Variants in RPS6KA2 observed in about 807,000 individuals in gnomAD.
The protein encoded by RPS6KA2 is ribosomal protein S6 kinase A2.
A neutral mutation model predicts 91.8 loss-of-function variants in RPS6KA2; 42 were observed. That is an observed-to-expected ratio of 0.46 (90% confidence interval 0.36 to 0.59). RPS6KA2 has a LOEUF of 0.59. Ranked by LOEUF, RPS6KA2 falls within the 20% of genes least tolerant of loss-of-function variation. RPS6KA2 has a pLI of 0.00. For synonymous variants in RPS6KA2, 414 were observed against 393.6 expected (o/e 1.05, Z -0.61); for missense variants, 798 against 978.5 (o/e 0.82, Z 2.46).
rs148374663 is a variant in RPS6KA2 at position 166,508,924 on chromosome 6, G to A, written c.380-642C>T. Among the ~76,000 whole-genome samples, 85 of 152,306 alleles carry A rather than the reference G, an allele frequency of 5.6e-4. No homozygotes were observed. The highest frequency in any genetic ancestry group is 1.3e-3 in the African/African-American group (54 of 41,574). ...CAGCAAGGGCCTGCCTCTGTTGAGC[G>A]GGCGCATGAGCACGGGAGGGTCTAG... On this transcript the variant is annotated intron_variant, in intron 4 of 20. Transcript: ENST00000265678. This position sits in a 1 kb window ranked among gnomAD's most constrained non-coding sequence, Gnocchi z 4.3.
At chr6:166,687,096 G>A (rs578053281) in intron 2 of RPS6KA2, among the ~76,000 whole-genome samples, 29 of 152,310 alleles carry the variant, frequency 1.9e-4, no homozygotes, top group Middle Eastern at 3.4e-3. Flanking sequence ...TGCCTGGGCC[G>A]TGGAGATCCA....
At chr6:166,506,410 A>C (rs1310597506) in intron 5 of RPS6KA2, among the ~76,000 whole-genome samples, 1 of 152,164 alleles carries the variant, frequency 6.6e-6, no homozygotes, top group East Asian at 1.9e-4. Flanking sequence ...CCCCAAATGG[A>C]CTGACTCCCT....
intron 15 of RPS6KA2, among the ~76,000 whole-genome samples, chr6:166,431,623 T>C (rs1417763502): frequency 6.6e-6 from 1 of 152,204 alleles, no homozygotes; most frequent in Non-Finnish European, 1.5e-5. Context: ...TCTTTTTATG[T>C]TTCGATTTTT....
intron 16 of RPS6KA2, among the ~76,000 whole-genome samples, chr6:166,424,161 C>T (rs763612034): frequency 6.6e-6 from 1 of 152,200 alleles, no homozygotes; most frequent in Non-Finnish European, 1.5e-5. Flanking sequence ...ATTAAAGGGA[C>T]ACACTCCAGC....
intron 10 of RPS6KA2, among the ~76,000 whole-genome samples, chr6:166,480,476 AT>A (rs368670644): frequency 2.0e-4 from 8 of 39,514 alleles, no homozygotes; most frequent in South Asian, 1.0e-3. Flanking sequence ...TAAGATTGTG[AT>A]TTTATATATA....
rs569031624 is a variant in RPS6KA2, at chr6:166,554,470, G to A, written c.100-15686C>T. 2.0e-5 allele frequency among the ~76,000 whole-genome samples: 3 copies of A among 152,356 alleles called. No homozygotes were observed. Among genetic ancestry groups the A allele is most frequent in the African/African-American group, 7.2e-5 (3 of 41,588 alleles). On this transcript the variant is annotated intron_variant, in intron 1 of 20. Transcript: ENST00000265678. This position sits in a 1 kb window ranked among gnomAD's most constrained non-coding sequence, Gnocchi z 4.3. ...GCTGCTGGCTGAATAAAAATCCCAC[G>A]GGAATTTCTGTTCCCTTTCTATTCC...
chr6:166,740,771 A>G (rs1790789524), intron 2 of RPS6KA2, among the ~76,000 whole-genome samples: 1 of 152,268 alleles, frequency 6.6e-6, no homozygotes, highest in Non-Finnish European at 1.5e-5. Flanking sequence ...TGAGCTGGCA[A>G]TTCGCAAATG....
At chr6:166,576,138 A>T (rs539137196) in intron 1 of RPS6KA2, among the ~76,000 whole-genome samples, 130 of 152,266 alleles carry the variant, frequency 8.5e-4, no homozygotes, top group African/African-American at 3.1e-3. Flanking sequence ...GAAGTACCTT[A>T]CACCTCCTGC....
At position 166,411,358 on chromosome 6, in the gene RPS6KA2, C is replaced by G. The variant is rs1464002973; in HGVS notation, c.*1404G>C. On this transcript the variant is annotated 3_prime_UTR_variant, in exon 21 of 21. Coordinates refer to ENST00000265678, the MANE Select transcript of RPS6KA2 (RefSeq NM_021135.6). This position sits in a 1 kb window ranked among gnomAD's most constrained non-coding sequence, Gnocchi z 4.5. ...TGCTTGCTGCAGAGGCGCCGCTCTT[C>G]AGTGATGCAGGGTGAGGGGCTGAGC... 1.3e-5 allele frequency: 2 copies of G among 152,104 alleles called. No homozygotes were observed. Among genetic ancestry groups the G allele is most frequent in the Non-Finnish European group, 2.9e-5 (2 of 68,012 alleles). 9.4% of individuals were successfully genotyped at this position (152,104 alleles called of 1,614,324 possible).
chr6:166,551,242 T>C (rs1424280040), intron 1 of RPS6KA2, among the ~76,000 whole-genome samples: 3 of 152,234 alleles, frequency 2.0e-5, no homozygotes, highest in Non-Finnish European at 4.4e-5. Flanking sequence ...GAAGGTTCAA[T>C]GTGAATGGTA....
intron 2 of RPS6KA2, among the ~76,000 whole-genome samples, chr6:166,771,739 T>C (rs938383233): frequency 2.6e-5 from 4 of 152,184 alleles, no homozygotes; most frequent in Admixed American, 2.0e-4. Flanking sequence ...GGTTCAAGTG[T>C]CAGAAGACAG....
rs1583092937 is a variant in RPS6KA2 at position 166,410,167 on chromosome 6, T to C, written c.*2595A>G. The C allele has an allele frequency of 7.9e-6, 1 of 126,162 alleles. No individual in the cohort carries two copies. Among genetic ancestry groups the C allele is most frequent in the Non-Finnish European group, 1.6e-5 (1 of 61,986 alleles). The allele number at this position is 126,162 out of a possible 1,614,324, so 7.8% of individuals were successfully genotyped here. ...GTGTTTATAAGTTCTGTGATTTTCATGACCCGGGGGTGGGGGGTTGGGTTA... is the reference window on the plus strand; with the variant it reads ...GTGTTTATAAGTTCTGTGATTTTCACGACCCGGGGGTGGGGGGTTGGGTTA... On this transcript the variant is annotated 3_prime_UTR_variant, in exon 21 of 21. Coordinates refer to ENST00000265678, the MANE Select transcript of RPS6KA2 (RefSeq NM_021135.6).
chr6:166,622,712 G>A (rs1786687888), intron 1 of RPS6KA2, among the ~76,000 whole-genome samples: 2 of 152,198 alleles, frequency 1.3e-5, no homozygotes, highest in Non-Finnish European at 2.9e-5. Context: ...AAAGGGATGA[G>A]CAATTAAAAT....
chr6:166,590,103 AG>A (rs1178801868), intron 1 of RPS6KA2, among the ~76,000 whole-genome samples: 5 of 152,208 alleles, frequency 3.3e-5, no homozygotes, highest in Non-Finnish European at 7.3e-5. Context: ...GCTCAAGCAA[AG>A]ACACAGGGGC....
intron 1 of RPS6KA2, among the ~76,000 whole-genome samples, chr6:166,616,721 C>G (rs886466171): frequency 2.6e-5 from 4 of 152,220 alleles, no homozygotes; most frequent in African/African-American, 9.6e-5. Context: ...GTCAGGCCAG[C>G]TGGGGAGCAG....
At chr6:166,439,397 C>T (rs528123412) in intron 14 of RPS6KA2, among the ~76,000 whole-genome samples, 3 of 152,222 alleles carry the variant, frequency 2.0e-5, no homozygotes, top group Non-Finnish European at 2.9e-5. Flanking sequence ...CATGAGCCAC[C>T]GTGCCCGGCC....
intron 14 of RPS6KA2, among the ~76,000 whole-genome samples, chr6:166,444,376 C>T (rs1478808715): frequency 6.6e-6 from 1 of 152,204 alleles, no homozygotes; most frequent in Non-Finnish European, 1.5e-5. Flanking sequence ...TCGCCCACCA[C>T]TAGTCTCCCT....
intron 2 of RPS6KA2, among the ~76,000 whole-genome samples, chr6:166,653,381 G>A (rs1386891309): frequency 6.6e-6 from 1 of 152,216 alleles, no homozygotes; most frequent in African/African-American, 2.4e-5. Flanking sequence ...TTTTAAGGAG[G>A]TGAATAATTC....
intron 2 of RPS6KA2, among the ~76,000 whole-genome samples, chr6:166,741,989 A>C (rs1437063273): frequency 1.3e-5 from 2 of 152,162 alleles, no homozygotes; most frequent in African/African-American, 4.8e-5. Context: ...TTAGCATGGC[A>C]TGGTGGCGGG....
Sources: allele counts gnomAD v4.1 joint callset (sites outside exome capture counted in the v4.1 genomes callset), GRCh38; gene constraint gnomAD v4.1.1; non-coding constraint Gnocchi (gnomAD v3.1); transcripts MANE v1.5; gene names NCBI Gene and HGNC (gene_info 2026-07-23, HGNC 2026-07-21).